INPP5F: variants seen among roughly 807,000 people sequenced by gnomAD.
The protein encoded by INPP5F is inositol polyphosphate-5-phosphatase F.
Under a neutral mutation model 137.2 loss-of-function variants are expected in INPP5F, and 97 were observed. The ratio of observed to expected loss-of-function variants is 0.71; its 90% confidence interval spans 0.60 to 0.84. The LOEUF is 0.84. Ranked by LOEUF, INPP5F falls within the 40% of genes least tolerant of loss-of-function variation. INPP5F has a pLI of 0.00. For missense variants in INPP5F, 1,271 were observed against 1,371.9 expected (o/e 0.93, Z 1.16); for synonymous variants, 504 against 476.9 (o/e 1.06, Z -0.74).
intron 1 of INPP5F, among the ~76,000 whole-genome samples, chr10:119,731,975 G>C (rs751088772): frequency 6.7e-6 from 1 of 149,692 alleles, no homozygotes; most frequent in Non-Finnish European, 1.5e-5. Flanking sequence ...AGGTAGAAAA[G>C]ACTTATCTTT....
In INPP5F at chr10:119,827,452, A is replaced by G. The variant is rs112391491; in HGVS notation, c.3071A>G (p.Gln1024Arg). 4.3e-5 allele frequency: 70 copies of G among 1,614,198 alleles called. No homozygotes were observed. The African/African-American group carries it at 6.8e-4, about 16-fold the overall frequency. Residue 1024 changes from glutamine to arginine, a missense_variant, in exon 20 of 20, where the codon CAG becomes CGG. Gln to Arg is a conservative substitution (Grantham distance 43, BLOSUM62 1). Transcript: ENST00000650623. ...GTCTCTCTTTCTGCAACAGGCCCAC[A>G]GTTTTTGTCAGTTGAGCCAGCGCAT... Reference protein sequence around the residue: ...LDVSLSATGPQFLSVEPAHSV... With the variant: ...LDVSLSATGPRFLSVEPAHSV...
intron 2 of INPP5F, among the ~76,000 whole-genome samples, chr10:119,768,958 C>T (rs534058062): frequency 6.6e-6 from 1 of 152,272 alleles, no homozygotes; most frequent in East Asian, 1.9e-4. Context: ...AGAATGGTAA[C>T]TGGTTACTTT....
intron 2 of INPP5F, among the ~76,000 whole-genome samples, chr10:119,756,378 G>T (rs1232399925): frequency 6.6e-6 from 1 of 152,130 alleles, no homozygotes; most frequent in Non-Finnish European, 1.5e-5. Context: ...ACTCACGCCT[G>T]TAATCCCAGC....
chr10:119,786,187 T>G (rs1381017583), intron 3 of INPP5F, among the ~76,000 whole-genome samples: 2 of 152,232 alleles, frequency 1.3e-5, no homozygotes, highest in African/African-American at 4.8e-5. Flanking sequence ...AGATGTAAGT[T>G]GCAAGCGTAA....
intron 1 of INPP5F, among the ~76,000 whole-genome samples, chr10:119,744,999 T>A (rs116233776): frequency 0.88 from 132,683 of 151,442 alleles, 58,200 homozygotes; most frequent in Middle Eastern, 0.91. Flanking sequence ...TTTTTTTCTT[T>A]TTTTTTTTTA....
intron 3 of INPP5F, among the ~76,000 whole-genome samples, chr10:119,782,358 G>A (rs996831610): frequency 6.6e-6 from 1 of 152,228 alleles, no homozygotes; most frequent in Non-Finnish European, 1.5e-5. Flanking sequence ...CTGCCTCCTA[G>A]TAGAAGTAAC....
At chr10:119,825,292 G>A (rs769543904) in intron 19 of INPP5F, among the ~76,000 whole-genome samples, 5 of 152,248 alleles carry the variant, frequency 3.3e-5, no homozygotes, top group Middle Eastern at 3.4e-3. Flanking sequence ...AAAGATGTGG[G>A]TATTTCACTT....
At chr10:119,789,037 C>A (rs1214417187) in intron 3 of INPP5F, among the ~76,000 whole-genome samples, 1 of 152,060 alleles carries the variant, frequency 6.6e-6, no homozygotes, top group Non-Finnish European at 1.5e-5. Flanking sequence ...ACCAGCCTGA[C>A]CAACATGGAG....
At chr10:119,818,640 C>T (rs1851396850) in intron 15 of INPP5F, 1 of 152,368 alleles carries the variant, frequency 6.6e-6, no homozygotes, top group Admixed American at 6.5e-5. Context: ...TGGCCGCCAG[C>T]CGAGGACGGA....
chr10:119,735,855 G>A (rs547010834), intron 1 of INPP5F, among the ~76,000 whole-genome samples: 93 of 152,286 alleles, frequency 6.1e-4, no homozygotes, highest in Non-Finnish European at 1.2e-3. Flanking sequence ...TGGGCCAGGC[G>A]CAGTGGCTCA....
rs536139618 is a variant in INPP5F at position 119,795,407 on chromosome 10, G to T, written c.670-1308G>T. On this transcript the variant is annotated intron_variant, in intron 6 of 19. Transcript: ENST00000650623. ...GGGCTCCTCACTTCTCAGATGGGGC[G>T]GCCGGGCAGAGACGCTCCTCACATC... 8.3e-3 allele frequency among the ~76,000 whole-genome samples: 1,251 copies of T among 150,882 alleles called. 7 individuals are homozygous for T. The highest frequency in any genetic ancestry group is 0.013 in the Non-Finnish European group (888 of 67,554).
At chr10:119,740,047 T>C (rs560811986) in intron 1 of INPP5F, among the ~76,000 whole-genome samples, 1 of 152,288 alleles carries the variant, frequency 6.6e-6, no homozygotes, top group East Asian at 1.9e-4. Flanking sequence ...TTTTTCCCCC[T>C]ATTTTCTATT....
In INPP5F at chr10:119,800,782, T is replaced by C. The variant is rs530683524; in HGVS notation, c.1116+2172T>C. On this transcript the variant is annotated intron_variant, in intron 9 of 19. Coordinates refer to ENST00000650623, the MANE Select transcript of INPP5F (RefSeq NM_014937.4). Reference sequence around the variant, plus strand: ...TTAGGTAACATGGAGAAATCCTTTCTCTACTAAAAATACAAAAATTAGCTG... The same window carrying C: ...TTAGGTAACATGGAGAAATCCTTTCCCTACTAAAAATACAAAAATTAGCTG... Among the ~76,000 whole-genome samples, 3 of 151,906 alleles carry C rather than the reference T, an allele frequency of 2.0e-5. No homozygotes were observed. In the East Asian group the frequency reaches 5.8e-4, roughly 29 times the overall value.
intron 2 of INPP5F, among the ~76,000 whole-genome samples, chr10:119,777,103 C>T: frequency 6.6e-6 from 1 of 152,078 alleles, no homozygotes; most frequent in East Asian, 1.9e-4. Flanking sequence ...GCTGTGTTGC[C>T]AGGCTGTTTT....
chr10:119,738,586 A>G (rs916424575), intron 1 of INPP5F, among the ~76,000 whole-genome samples: 6 of 152,144 alleles, frequency 3.9e-5, no homozygotes, highest in African/African-American at 1.4e-4. Flanking sequence ...TGTCCTCTGT[A>G]CAGACAGACT....
chr10:119,806,811 CTTT>C (rs35213192), intron 12 of INPP5F, among the ~76,000 whole-genome samples: 1 of 143,268 alleles, frequency 7.0e-6, no homozygotes, highest in Non-Finnish European at 1.5e-5. Context: ...TACTGCATTT[CTTT>C]TTTTTTTTTT....
In INPP5F at chr10:119,828,925, C is replaced by T. The variant is rs1378731556; in HGVS notation, c.*1145C>T. 1 of 152,644 alleles carries T rather than the reference C, an allele frequency of 6.6e-6. No individual in the cohort carries two copies. Among genetic ancestry groups the T allele is most frequent in the Non-Finnish European group, 1.5e-5 (1 of 68,060 alleles). The allele number at this position is 152,644 out of a possible 1,614,324, so 9.5% of individuals were successfully genotyped here. A position where few individuals can be genotyped will look rare whatever the true frequency, so the allele number is the denominator to read the frequency against. ...TGACCACACAGAACCAGGGCTGCCC[C>T]TGTAATCCCCACAGTAAGAAAGTTG... On this transcript the variant is annotated 3_prime_UTR_variant, in exon 20 of 20. Coordinates refer to ENST00000650623, the MANE Select transcript of INPP5F (RefSeq NM_014937.4).
intron 1 of INPP5F, among the ~76,000 whole-genome samples, chr10:119,736,309 T>C (rs1848214432): frequency 6.6e-6 from 1 of 152,202 alleles, no homozygotes; most frequent in African/African-American, 2.4e-5. Context: ...AGCTGTACTT[T>C]TTCATTCCCA....
intron 2 of INPP5F, among the ~76,000 whole-genome samples, chr10:119,779,223 T>C (rs1231036674): frequency 1.3e-5 from 2 of 152,118 alleles, no homozygotes; most frequent in Non-Finnish European, 2.9e-5. Context: ...GTATGAAAGA[T>C]AAGAATGGTA....
Sources: gnomAD v4.1 joint callset for allele counts (sites outside exome capture counted in the v4.1 genomes callset) on GRCh38, gnomAD v4.1.1 for gene constraint, MANE v1.5 for transcripts, NCBI Gene and HGNC (gene_info 2026-07-23, HGNC 2026-07-21) for gene names.